The following ALX1 variants were observed in gnomAD, a reference collection of about 807,000 sequenced individuals.
The protein encoded by ALX1 is ALX homeobox 1, also known as ALX homeobox protein 1.
ALX1 carries 19 observed loss-of-function variants against 31.7 expected under a neutral mutation model. The ratio of observed to expected loss-of-function variants is 0.60; its 90% CI spans 0.42 to 0.88. The LOEUF (loss-of-function observed/expected upper bound fraction) is 0.88. Ranked by LOEUF, ALX1 falls within the 40% of genes least tolerant of loss-of-function variation. The pLI is 0.00. For synonymous variants in ALX1, 153 were observed against 148.8 expected (o/e 1.03, Z -0.20); for missense variants, 415 against 407.8 (o/e 1.02, Z -0.15).
intron 3 of ALX1, 32 bp from the exon 4 acceptor site, chr12:85,301,123 A>T (rs1210289533): frequency 1.2e-6 from 2 of 1,609,314 alleles, no homozygotes; most frequent in Non-Finnish European, 8.5e-7. Flanking sequence ...GAGAACATGT[A>T]AATGTAATAT....
Position 85,301,613 on chromosome 12 carries a change from T to A in ALX1, c.*138T>A, listed in dbSNP as rs187619778. 2 of 866,552 alleles carry A rather than the reference T, an allele frequency of 2.3e-6. No homozygotes were observed. The highest frequency in any genetic ancestry group is 4.9e-5 in the Admixed American group (2 of 41,176). The allele number at this position is 866,552 out of a possible 1,614,324, so 53.7% of individuals were successfully genotyped here. A position where few individuals can be genotyped will look rare whatever the true frequency, so the allele number is the denominator to read the frequency against. ...ATTCAGTGAGACCAGCTTAAATGAA[T>A]AGTTGTTATTTAACATTAAAATCTA... On this transcript the variant is annotated 3_prime_UTR_variant, in exon 4 of 4. Coordinates refer to ENST00000316824, the MANE Select transcript of ALX1 (RefSeq NM_006982.3).
chr12:85,286,830 T>C (rs1440279149), intron 2 of ALX1, 23 bp from the exon 3 acceptor site: 28 of 1,546,524 alleles, frequency 1.8e-5, no homozygotes, highest in Non-Finnish European at 2.5e-5. Flanking sequence ...TAGCTAAAAT[T>C]CTAATTTTTA....
intron 3 of ALX1, among the ~76,000 whole-genome samples, chr12:85,298,300 T>C (rs1235485158): frequency 6.6e-6 from 1 of 151,714 alleles, no homozygotes; most frequent in African/African-American, 2.4e-5. Flanking sequence ...GAACACGCTG[T>C]TTAGTGTACT....
intron 1 of ALX1, among the ~76,000 whole-genome samples, chr12:85,280,805 G>A (rs773056420): frequency 9.9e-5 from 15 of 152,072 alleles, no homozygotes; most frequent in Non-Finnish European, 1.9e-4. Flanking sequence ...CTGATAGGGC[G>A]CTAAATAGAG....
intron 1 of ALX1, among the ~76,000 whole-genome samples, chr12:85,281,235 G>C (rs1228126570): frequency 6.6e-6 from 1 of 152,154 alleles, no homozygotes; most frequent in Non-Finnish European, 1.5e-5. Context: ...GTCACCTAAG[G>C]AGTCTTTGGA....
At chr12:85,282,049 G>T (rs1410764207) in intron 1 of ALX1, among the ~76,000 whole-genome samples, 1 of 152,128 alleles carries the variant, frequency 6.6e-6, no homozygotes, top group Non-Finnish European at 1.5e-5. Context: ...GCTTAATTTA[G>T]GAGAGATCCT....
intron 1 of ALX1, among the ~76,000 whole-genome samples, chr12:85,280,904 G>C (rs1446602394): frequency 3.3e-5 from 5 of 151,638 alleles, no homozygotes; most frequent in African/African-American, 4.9e-5. Context: ...GCTCGTTAGA[G>C]TACGTCACTG....
chr12:85,290,976 G>A (rs1896810604), intron 3 of ALX1, among the ~76,000 whole-genome samples: 1 of 151,130 alleles, frequency 6.6e-6, no homozygotes, highest in South Asian at 2.1e-4. Context: ...GGTCTGCTAT[G>A]AATTGAGCAA....
chr12:85,286,963 G>A lies in ALX1; in HGVS notation c.642G>A (p.Arg214=). The change falls in exon 3 of 4, where the codon AGG becomes AGA. Residue 214 remains arginine, a synonymous_variant. Coordinates refer to ENST00000316824, the MANE Select transcript of ALX1 (RefSeq NM_006982.3). The stretch of plus-strand genomic sequence containing the variant: ...CCTATGATATATCAGTTTTGCCAAG[G>A]ACTGACAGCTACCCACAGGTATGCT... ...AATYDISVLP[R]TDSYPQIQNN... 6.2e-7 allele frequency: 1 copy of A among 1,612,108 alleles called. No individual in the cohort carries two copies.
At position 85,301,238 on chromosome 12, in the gene ALX1, T is replaced by C. The variant is rs900506358; in HGVS notation, c.744T>C (p.Cys248=). The C allele has an allele frequency of 6.2e-7, 1 of 1,613,996 alleles. No individual in the cohort carries two copies. The highest frequency in any genetic ancestry group is 1.3e-5 in the African/African-American group (1 of 74,928). ...TGTTACCACGTGACACTTCCTCCTG[T>C]ATGACACCTTATTCTCACTCGCCTC... is the stretch of plus-strand genomic sequence containing the variant. ...SCMLPRDTSS[C]MTPYSHSPRT... is the part of the protein sequence containing the mutation. Residue 248 remains cysteine (C), a synonymous_variant, in exon 4 of 4, where the codon TGT becomes TGC. Coordinates refer to ENST00000316824, the MANE Select transcript of ALX1 (RefSeq NM_006982.3).
At chr12:85,282,651 T>C (rs1896691774) in intron 1 of ALX1, among the ~76,000 whole-genome samples, 1 of 152,182 alleles carries the variant, frequency 6.6e-6, no homozygotes, top group African/African-American at 2.4e-5. Context: ...TTTGTGGGTG[T>C]TTGGCATTAT....
chr12:85,282,145 A>T (rs980991813), intron 1 of ALX1, among the ~76,000 whole-genome samples: 2 of 151,908 alleles, frequency 1.3e-5, no homozygotes, highest in Non-Finnish European at 2.9e-5. Flanking sequence ...AATTTTGCCC[A>T]AGGAGATAGA....
At chr12:85,284,769 AGGATAATGGCCTT>A (rs1896726333) in intron 2 of ALX1, among the ~76,000 whole-genome samples, 1 of 152,166 alleles carries the variant, frequency 6.6e-6, no homozygotes, top group Non-Finnish European at 1.5e-5. Context: ...ACAATAATTC[AGGATAATGGCCTT>A]GGTCTTTGTG....
rs561233322 is a variant in ALX1, at chr12:85,280,461, G to T, written c.200G>T (p.Arg67Met). 2.1e-5 allele frequency: 34 copies of T among 1,611,592 alleles called. No homozygotes were observed. The Admixed American group carries it at 4.8e-4, about 23-fold the overall frequency. The change falls in exon 1 of 4, where the codon AGG (arginine) becomes ATG (methionine). Residue 67 changes from arginine to methionine, a missense_variant. This residue lies in a region of ALX1 where 235 missense variants were observed against 208.9 expected (regional missense o/e 1.13). Transcript: ENST00000316824. ...GCCGAGCATCACGTGCGCTTGGAGA[G>T]GACCTCGCCCTGTCAGGACAGCAGC... ...PRAEHHVRLE[R>M]TSPCQDSSVN...
At chr12:85,295,638 G>A (rs1896877784) in intron 3 of ALX1, among the ~76,000 whole-genome samples, 1 of 151,454 alleles carries the variant, frequency 6.6e-6, no homozygotes, top group Non-Finnish European at 1.5e-5. Context: ...TCTGATCTCT[G>A]TCTTTTAAAG....
At chr12:85,290,967 G>T (rs1896810493) in intron 3 of ALX1, among the ~76,000 whole-genome samples, 1 of 151,058 alleles carries the variant, frequency 6.6e-6, no homozygotes, top group African/African-American at 2.4e-5. Flanking sequence ...ACCAAGGATG[G>T]TCTGCTATGA....
intron 3 of ALX1, among the ~76,000 whole-genome samples, chr12:85,298,996 C>T (rs1470416492): frequency 1.3e-5 from 2 of 151,420 alleles, no homozygotes; most frequent in African/African-American, 4.8e-5. Flanking sequence ...GCTTTTTCAT[C>T]TAGTTGGTGA....
rs775550276 is a variant in ALX1 at position 85,287,033 on chromosome 12, T to C, written c.660+52T>C. ...TCAAGAAAAGGATATTTGGTTTGTA[T>C]ATTCTTAAAATGGTTAGCATAGGCT... On this transcript the variant is annotated intron_variant, in intron 3 of 3. Coordinates refer to ENST00000316824, the MANE Select transcript of ALX1 (RefSeq NM_006982.3). 4.4e-6 allele frequency: 7 copies of C among 1,599,716 alleles called. No individual in the cohort carries two copies. The Admixed American group carries it at 1.2e-4, about 27-fold the overall frequency.
rs145944049 is a variant in ALX1 at position 85,280,451 on chromosome 12, C to G, written c.190C>G (p.Arg64Gly). 1.7e-5 allele frequency: 27 copies of G among 1,611,820 alleles called. No individual in the cohort carries two copies. Among genetic ancestry groups the G allele is most frequent in the Non-Finnish European group, 2.2e-5 (26 of 1,180,004 alleles). ...GPLPRAEHHVRLERTSPCQDS... is the reference protein window; with the variant it reads ...GPLPRAEHHVGLERTSPCQDS... ...CCTGCCCCGCGCCGAGCATCACGTG[C>G]GCTTGGAGAGGACCTCGCCCTGTCA... is the stretch of plus-strand genomic sequence containing the variant. The change falls in exon 1 of 4, where the codon CGC becomes GGC. Residue 64 changes from arginine to glycine, a missense_variant. Transcript: ENST00000316824.
Sources: allele counts gnomAD v4.1 joint callset (sites outside exome capture counted in the v4.1 genomes callset), GRCh38; gene constraint gnomAD v4.1.1; regional missense constraint gnomAD v4.1.1; transcripts MANE v1.5; gene names NCBI Gene and HGNC (gene_info 2026-07-23, HGNC 2026-07-21).